CCDC148: variants seen among roughly 807,000 people sequenced by gnomAD.
The protein encoded by CCDC148 is coiled-coil domain-containing protein 148.
CCDC148 carries 89 observed loss-of-function variants against 85.7 expected under a neutral mutation model. The ratio of observed to expected loss-of-function variants is 1.04; its 90% CI spans 0.87 to 1.24. The LOEUF (loss-of-function observed/expected upper bound fraction) is 1.24, where lower values mean the gene tolerates loss of function less well. Among genes scored for constraint, CCDC148 ranks in the 50% most tolerant of loss-of-function variants. The probability of loss-of-function intolerance (pLI) is 0.00; values close to 1 mark genes in which losing one functional copy is unlikely to be tolerated. For synonymous variants in CCDC148, 230 were observed against 213.9 expected (o/e 1.08, Z -0.66); for missense variants, 692 against 671.7 (o/e 1.03, Z -0.33).
At chr2:158,240,462 A>T (rs980755195) in intron 10 of CCDC148, among the ~76,000 whole-genome samples, 10 of 150,408 alleles carry the variant, frequency 6.6e-5, no homozygotes, top group Admixed American at 3.3e-4. Context: ...TCACACACAC[A>T]CACACACACA....
chr2:158,438,334 A>G (rs1041106577), intron 1 of CCDC148, among the ~76,000 whole-genome samples: 1 of 152,186 alleles, frequency 6.6e-6, no homozygotes, highest in African/African-American at 2.4e-5. Context: ...ATCTACAACC[A>G]TCTGATCTTT....
At chr2:158,430,062 A>T (rs1407519135) in intron 1 of CCDC148, among the ~76,000 whole-genome samples, 2 of 152,204 alleles carry the variant, frequency 1.3e-5, no homozygotes, top group African/African-American at 4.8e-5. Context: ...GAATACTGAG[A>T]GGTGTGTGCG....
intron 1 of CCDC148, among the ~76,000 whole-genome samples, chr2:158,386,191 A>T (rs1371791115): frequency 2.0e-5 from 3 of 152,116 alleles, no homozygotes; most frequent in Non-Finnish European, 4.4e-5. Context: ...ATAACACTAT[A>T]AAATAGCTGC....
intron 1 of CCDC148, among the ~76,000 whole-genome samples, chr2:158,417,687 C>A (rs1194723577): frequency 1.3e-5 from 2 of 152,192 alleles, no homozygotes; most frequent in African/African-American, 4.8e-5. Flanking sequence ...CCTTTACCGT[C>A]CACATGCACT....
chr2:158,297,897 T>A (rs58948804), intron 9 of CCDC148, among the ~76,000 whole-genome samples: 48,034 of 152,114 alleles, frequency 0.32, 8,284 homozygotes, highest in Middle Eastern at 0.45. Flanking sequence ...TAACTCCCTT[T>A]CTCTTTATCC....
chr2:158,408,832 T>C (rs1686135999), intron 1 of CCDC148, among the ~76,000 whole-genome samples: 1 of 152,086 alleles, frequency 6.6e-6, no homozygotes, highest in Admixed American at 6.6e-5. Context: ...TTCTATTTTC[T>C]CCACATCCTC....
chr2:158,192,347 A>G (rs16842738), intron 11 of CCDC148, among the ~76,000 whole-genome samples: 8,518 of 151,964 alleles, frequency 0.056, 801 homozygotes, highest in African/African-American at 0.19. Flanking sequence ...GCTTCCAACA[A>G]CTCACGATTT....
intron 7 of CCDC148, among the ~76,000 whole-genome samples, chr2:158,314,793 G>C (rs1455761283): frequency 2.0e-5 from 3 of 152,148 alleles, no homozygotes; most frequent in Non-Finnish European, 2.9e-5. Context: ...CTTAATCCAA[G>C]AGGATACTTG....
chr2:158,357,580 A>G (rs1574686180), intron 2 of CCDC148, among the ~76,000 whole-genome samples: 1 of 152,186 alleles, frequency 6.6e-6, no homozygotes, highest in East Asian at 1.9e-4. Context: ...ATTTCTTTGA[A>G]TGTTCCCATA....
intron 3 of CCDC148, among the ~76,000 whole-genome samples, chr2:158,341,542 T>C (rs1682696536): frequency 6.6e-6 from 1 of 152,154 alleles, no homozygotes; most frequent in African/African-American, 2.4e-5. Flanking sequence ...CTTGAACTCC[T>C]GACCTCAGGT....
chr2:158,360,963 T>C (rs1049790367), intron 1 of CCDC148, among the ~76,000 whole-genome samples: 2 of 150,920 alleles, frequency 1.3e-5, no homozygotes, highest in African/African-American at 4.9e-5. Context: ...GAATAACCAG[T>C]TTAGAGAAGA....
intron 2 of CCDC148, among the ~76,000 whole-genome samples, chr2:158,355,623 A>C (rs1177477902): frequency 7.4e-6 from 1 of 134,668 alleles, no homozygotes; most frequent in Non-Finnish European, 1.6e-5. Context: ...ATGGGTAGGA[A>C]GAATCAATAT....
chr2:158,312,038 T>A (rs1345652076), intron 8 of CCDC148, among the ~76,000 whole-genome samples: 1 of 152,196 alleles, frequency 6.6e-6, no homozygotes, highest in Non-Finnish European at 1.5e-5. Context: ...ATTCTTTATT[T>A]TGCCAGTATA....
intron 13 of CCDC148, among the ~76,000 whole-genome samples, chr2:158,172,975 G>T (rs1482903953): frequency 6.6e-6 from 1 of 152,040 alleles, no homozygotes; most frequent in Non-Finnish European, 1.5e-5. Flanking sequence ...CCCCCTAGAG[G>T]ATGTGATAAT....
rs527659981 is a variant in CCDC148 at position 158,429,349 on chromosome 2, G to C, written c.25+27066C>G. On this transcript the variant is annotated intron_variant, in intron 1 of 13. Coordinates refer to ENST00000283233, the MANE Select transcript of CCDC148 (RefSeq NM_138803.4). ...TTAATGTCATAGGTAAGATTTCCTA[G>C]AAAGAGCATGAATAGATAGATAGAT... Among the ~76,000 whole-genome samples, 5 of 144,716 alleles carry C rather than the reference G, an allele frequency of 3.5e-5. No homozygotes were observed. In the South Asian group the frequency reaches 1.1e-3, roughly 33 times the overall value. 94.9% of individuals were successfully genotyped at this position (144,716 alleles called of 152,430 possible). A position where few individuals can be genotyped will look rare whatever the true frequency, so the allele number is the denominator to read the frequency against.
intron 10 of CCDC148, among the ~76,000 whole-genome samples, chr2:158,244,472 C>T (rs1468673377): frequency 6.6e-6 from 1 of 152,140 alleles, no homozygotes; most frequent in African/African-American, 2.4e-5. Flanking sequence ...TCATAAAAGT[C>T]CAGTTCTTTA....
intron 1 of CCDC148, among the ~76,000 whole-genome samples, chr2:158,432,686 A>G (rs943396522): frequency 1.3e-5 from 2 of 152,124 alleles, no homozygotes; most frequent in African/African-American, 2.4e-5. Flanking sequence ...TCAATCCAAT[A>G]CAAACTCTTT....
chr2:158,308,754 C>T lies in CCDC148; in HGVS notation c.1110+679G>A, dbSNP rs894672564. 5.3e-5 allele frequency among the ~76,000 whole-genome samples: 8 copies of T among 152,302 alleles called. No individual in the cohort carries two copies. The South Asian group carries it at 1.7e-3, about 32-fold the overall frequency. On this transcript the variant is annotated intron_variant, in intron 9 of 13. Transcript: ENST00000283233. Reference sequence around the variant, plus strand: ...GCCTCCAGGACTCATGCACTGTGACCCTCCTGTGGAATGCAATTATTCCCA... The same window carrying T: ...GCCTCCAGGACTCATGCACTGTGACTCTCCTGTGGAATGCAATTATTCCCA...
intron 1 of CCDC148, among the ~76,000 whole-genome samples, chr2:158,425,877 T>C (rs1687053733): frequency 6.6e-6 from 1 of 152,176 alleles, no homozygotes. Flanking sequence ...TTGTGATCAC[T>C]GGAAGCTTTC....
Sources: allele counts gnomAD v4.1 joint callset (sites outside exome capture counted in the v4.1 genomes callset), GRCh38; gene constraint gnomAD v4.1.1; transcripts MANE v1.5; gene names NCBI Gene and HGNC (gene_info 2026-07-23, HGNC 2026-07-21).